PCDHGA2: variants seen among roughly 807,000 people sequenced by gnomAD.
PCDHGA2 encodes the protein protocadherin gamma-A2.
A neutral mutation model predicts 59.2 loss-of-function variants in PCDHGA2; 40 were observed. The observed-to-expected ratio is 0.68, with a 90% confidence interval of 0.52 to 0.88. PCDHGA2 has a LOEUF of 0.88. Among genes scored for constraint, PCDHGA2 ranks in the 40% least tolerant of loss-of-function variants. PCDHGA2 has a pLI of 0.00. For missense variants in PCDHGA2, 1,226 were observed against 1,204.0 expected, an observed-to-expected ratio of 1.02 and a Z score of -0.27; for synonymous variants, 560 against 526.0, an observed-to-expected ratio of 1.06 and a Z score of -0.89.
chr5:141,449,569 A>G (rs1340921687), intron 1 of PCDHGA2, among the ~76,000 whole-genome samples: 2 of 148,390 alleles, frequency 1.3e-5, no homozygotes, highest in East Asian at 3.9e-4. Flanking sequence ...AGCCTGGGCG[A>G]CAGAGCAAGA....
chr5:141,499,932 C>A (rs1169727162), intron 2 of PCDHGA2, among the ~76,000 whole-genome samples: 1 of 152,076 alleles, frequency 6.6e-6, no homozygotes, highest in Non-Finnish European at 1.5e-5. Context: ...AAGTGATCCA[C>A]CCTCCTCGGC....
chr5:141,394,946 T>A (rs759854662), intron 1 of PCDHGA2: 1 of 1,613,768 alleles, frequency 6.2e-7, no homozygotes, highest in East Asian at 2.2e-5. Flanking sequence ...TCGCTGTGCT[T>A]CTGGGGCTCA....
intron 1 of PCDHGA2, chr5:141,403,402 A>T: frequency 6.2e-7 from 1 of 1,614,076 alleles, no homozygotes; most frequent in Non-Finnish European, 8.5e-7. Flanking sequence ...TTCCTGGAGC[A>T]CGTTATCCAC....
At chr5:141,478,338 C>T in intron 1 of PCDHGA2, 2 of 1,613,936 alleles carry the variant, frequency 1.2e-6, no homozygotes, top group South Asian at 1.1e-5. Flanking sequence ...CCAGGGCCCT[C>T]CTTGCACGCG....
intron 3 of PCDHGA2, among the ~76,000 whole-genome samples, chr5:141,507,856 A>T (rs1200072170): frequency 1.3e-5 from 2 of 151,926 alleles, no homozygotes; most frequent in Non-Finnish European, 2.9e-5. Flanking sequence ...TCTCACTTTC[A>T]CACCCGCTTC....
chr5:141,433,837 C>CAAAAAAAAAAAAAAA (rs56191208), intron 1 of PCDHGA2, among the ~76,000 whole-genome samples: 1 of 111,692 alleles, frequency 9.0e-6, no homozygotes. Flanking sequence ...AACTCTATCT[C>CAAAAAAAAAAAAAAA]AAAAAAAAAA....
chr5:141,351,498 AC>A (rs1758736797), intron 1 of PCDHGA2: 1 of 1,613,898 alleles, frequency 6.2e-7, no homozygotes, highest in African/African-American at 1.3e-5. Context: ...CAGACAGCAG[AC>A]TACAACGTCA....
chr5:141,376,169 G>A (rs779538880), intron 1 of PCDHGA2: 6 of 1,614,106 alleles, frequency 3.7e-6, no homozygotes, highest in African/African-American at 2.7e-5. Context: ...CCTGGTGGTG[G>A]CGGTGGCCGC....
rs747009936 is a variant in PCDHGA2, at chr5:141,339,012, T to G, written c.41T>G (p.Val14Gly). 6.3e-7 allele frequency: 1 copy of G among 1,582,804 alleles called. No individual in the cohort carries two copies. The highest frequency in any genetic ancestry group is 2.3e-5 in the East Asian group (1 of 44,322). Residue 14 changes from valine (V) to glycine (G), a missense_variant, in exon 1 of 4, where the codon GTC (valine) becomes GGC (glycine). Physicochemically the swap from Val to Gly is moderately radical, Grantham distance 109 (BLOSUM62 -3). Coordinates refer to ENST00000394576, the MANE Select transcript of PCDHGA2 (RefSeq NM_018915.4). ...LQKLPHCRKL[V>G]LLCFLLATLW... The stretch of plus-strand genomic sequence containing the variant: ...AAGTTGCCACACTGCAGAAAGCTGG[T>G]CCTGCTGTGCTTCCTTTTGGCGACC...
intron 1 of PCDHGA2, chr5:141,427,831 G>A (rs2097077070): frequency 6.5e-7 from 1 of 1,539,366 alleles, no homozygotes; most frequent in East Asian, 2.2e-5. Context: ...GTCGCGCAGC[G>A]TGCCTTCGAC....
chr5:141,365,621 C>A (rs1764025097), intron 1 of PCDHGA2: 2 of 1,613,576 alleles, frequency 1.2e-6, no homozygotes, highest in Non-Finnish European at 8.5e-7. Context: ...TGGAACCCCG[C>A]CCCTCTCTAC....
chr5:141,491,072 C>T lies in PCDHGA2; in HGVS notation c.2425-3735C>T, dbSNP rs778221466. The T allele has an allele frequency of 6.2e-7, 1 of 1,614,204 alleles. No individual in the cohort carries two copies. Among genetic ancestry groups the T allele is most frequent in the South Asian group, 1.1e-5 (1 of 91,086 alleles). On this transcript the variant is annotated intron_variant, in intron 1 of 3. Coordinates refer to ENST00000394576, the MANE Select transcript of PCDHGA2 (RefSeq NM_018915.4). The surrounding 1 kb of genome is among the most constrained non-coding windows in gnomAD (Gnocchi z 6.9). ...GCGTGGCTCTCCTACTCACTGTTGCCACAGTCCACAGCCCCAGGACTGTTC... is the reference window on the plus strand; with the variant it reads ...GCGTGGCTCTCCTACTCACTGTTGCTACAGTCCACAGCCCCAGGACTGTTC...
chr5:141,427,229 G>A (rs1377470019), intron 1 of PCDHGA2: 3 of 456,628 alleles, frequency 6.6e-6, no homozygotes, highest in Non-Finnish European at 1.3e-5. Context: ...GTTATACCAT[G>A]AGAGTAGAAG....
At chr5:141,352,464 T>C in intron 1 of PCDHGA2, 1 of 1,613,988 alleles carries the variant, frequency 6.2e-7, no homozygotes, top group East Asian at 2.2e-5. Context: ...GGGCCCGGGG[T>C]TCCTCCCAAC....
intron 1 of PCDHGA2, chr5:141,413,638 C>T (rs768604791): frequency 4.8e-5 from 78 of 1,613,686 alleles, no homozygotes; most frequent in Middle Eastern, 1.6e-4. Flanking sequence ...TGCGGGAATG[C>T]GTTTTCCTCT....
At chr5:141,456,936 C>G (rs1012944904) in intron 1 of PCDHGA2, among the ~76,000 whole-genome samples, 20 of 152,190 alleles carry the variant, frequency 1.3e-4, no homozygotes, top group African/African-American at 4.3e-4. Context: ...GCACTCCAGC[C>G]TGGGCAACAG....
intron 1 of PCDHGA2, among the ~76,000 whole-genome samples, chr5:141,373,609 A>G (rs566827138): frequency 6.6e-6 from 1 of 152,384 alleles, no homozygotes; most frequent in South Asian, 2.1e-4. Context: ...TTCAAAATTT[A>G]CAGAAGATTG....
At chr5:141,421,271 T>G in intron 1 of PCDHGA2, 1 of 1,612,330 alleles carries the variant, frequency 6.2e-7, no homozygotes, top group Non-Finnish European at 8.5e-7. Context: ...CGGCTGCTGC[T>G]GCTGCTGTGC....
chr5:141,418,578 CAGTGTT>C, intron 1 of PCDHGA2: 1 of 1,614,040 alleles, frequency 6.2e-7, no homozygotes, highest in African/African-American at 1.3e-5. Flanking sequence ...GACAACCCCC[CAGTGTT>C]CAGCCAGGAC....
Sources: gnomAD v4.1 joint callset for allele counts (sites outside exome capture counted in the v4.1 genomes callset) on GRCh38, gnomAD v4.1.1 for gene constraint, Gnocchi (gnomAD v3.1) non-coding constraint, MANE v1.5 for transcripts, NCBI Gene and HGNC (gene_info 2026-07-23, HGNC 2026-07-21) for gene names.